The following RHCE variants were observed in gnomAD, a reference collection of about 807,000 sequenced individuals.
RHCE encodes the protein blood group Rh(CE) polypeptide.
In RHCE, 22 loss-of-function variants were observed where a neutral mutation model predicts 43.8. That is an observed-to-expected ratio of 0.50 (90% confidence interval 0.36 to 0.72). The LOEUF (loss-of-function observed/expected upper bound fraction) is 0.72. Among genes scored for constraint, RHCE ranks in the 30% least tolerant of loss-of-function variants. The pLI is 0.00. For synonymous variants in RHCE, 156 were observed against 210.7 expected (o/e 0.74, Z 2.25); for missense variants, 385 against 525.4 (o/e 0.73, Z 2.61).
In RHCE at chr1:25,371,643, A is replaced by G. The variant is rs570115532; in HGVS notation, c.1154-1103T>C. ...CCGCCTTTGCCTTCTAAAGGGCTGC[A>G]ATTACAGGTGTGAGCCACTGTGCCC... On this transcript the variant is annotated intron_variant, in intron 8 of 9. Coordinates refer to ENST00000294413, the MANE Select transcript of RHCE (RefSeq NM_020485.8). Among the ~76,000 whole-genome samples the G allele has an allele frequency of 1.3e-4, 20 of 151,638 alleles. No homozygotes were observed. The South Asian group carries it at 3.1e-3, about 24-fold the overall frequency.
At chr1:25,413,695 T>C (rs1647174706) in intron 1 of RHCE, among the ~76,000 whole-genome samples, 1 of 151,652 alleles carries the variant, frequency 6.6e-6, no homozygotes, top group Non-Finnish European at 1.5e-5. Context: ...CAGGCACTGT[T>C]CTACGTGCCT....
At chr1:25,386,147 T>G (rs1646152252) in intron 6 of RHCE, among the ~76,000 whole-genome samples, 1 of 152,192 alleles carries the variant, frequency 6.6e-6, no homozygotes, top group African/African-American at 2.4e-5. Context: ...GTAGGCACTA[T>G]TCACAATTTC....
chr1:25,405,874 C>T lies in RHCE; in HGVS notation c.335+2809G>A, dbSNP rs1177808525. Among the ~76,000 whole-genome samples the T allele has an allele frequency of 8.2e-5, 10 of 122,086 alleles. 2 individuals are homozygous for T. The highest frequency in any genetic ancestry group is 8.9e-5 in the Admixed American group (1 of 11,290). 80.1% of individuals were successfully genotyped at this position (122,086 alleles called of 152,430 possible). A position where few individuals can be genotyped will look rare whatever the true frequency, so the allele number is the denominator to read the frequency against. Reference sequence around the variant, plus strand: ...GTGTTGCCAAGGGAGAGTACCCCGTCCCCAGGGGCAGGCCTGGGCACCACC... The same window carrying T: ...GTGTTGCCAAGGGAGAGTACCCCGTTCCCAGGGGCAGGCCTGGGCACCACC... On this transcript the variant is annotated intron_variant, in intron 2 of 9. Transcript: ENST00000294413.
chr1:25,411,359 C>T (rs2124511992), intron 1 of RHCE: 1 of 1,550,590 alleles, frequency 6.4e-7, no homozygotes, highest in East Asian at 2.4e-5. Flanking sequence ...GTCTCCAGCC[C>T]TGGCTTTGAT....
chr1:25,418,401 G>T (rs573338746), intron 1 of RHCE, among the ~76,000 whole-genome samples: 1 of 149,588 alleles, frequency 6.7e-6, no homozygotes, highest in African/African-American at 2.5e-5. Flanking sequence ...TTGCTCTGTC[G>T]CCCAGGCTGG....
At chr1:25,393,423 C>G (rs866628996) in intron 3 of RHCE, among the ~76,000 whole-genome samples, 82 of 152,110 alleles carry the variant, frequency 5.4e-4, no homozygotes, top group African/African-American at 1.9e-3. Context: ...GAGTTCGATA[C>G]CAGCCTGGCC....
intron 1 of RHCE, chr1:25,411,371 A>C: frequency 6.4e-7 from 1 of 1,550,596 alleles, no homozygotes; most frequent in Non-Finnish European, 8.7e-7. Context: ...GGCTTTGATA[A>C]CAATGAGAAG....
chr1:25,377,941 G>A (rs1395563696), intron 7 of RHCE, among the ~76,000 whole-genome samples: 1 of 152,098 alleles, frequency 6.6e-6, no homozygotes, highest in African/African-American at 2.4e-5. Flanking sequence ...CACATAGTGG[G>A]ATTCATATCC....
At chr1:25,417,843 C>T (rs564115521) in intron 1 of RHCE, among the ~76,000 whole-genome samples, 10 of 152,284 alleles carry the variant, frequency 6.6e-5, no homozygotes, top group African/African-American at 2.4e-4. Flanking sequence ...ACAGCCTCCA[C>T]GCTGGTCTTG....
chr1:25,377,219 A>G (rs948251777), intron 7 of RHCE, among the ~76,000 whole-genome samples: 1 of 152,116 alleles, frequency 6.6e-6, no homozygotes, highest in Admixed American at 6.5e-5. Flanking sequence ...TTTAGAAAAA[A>G]ATTCAGGGGG....
chr1:25,384,163 G>C (rs564071724), intron 7 of RHCE, among the ~76,000 whole-genome samples: 16 of 151,034 alleles, frequency 1.1e-4, no homozygotes, highest in Non-Finnish European at 1.9e-4. Context: ...GAGAACCAAT[G>C]CTTCCAGAGA....
intron 1 of RHCE, among the ~76,000 whole-genome samples, chr1:25,416,521 C>T (rs539622656): frequency 4.6e-5 from 7 of 152,288 alleles, no homozygotes; most frequent in African/African-American, 1.7e-4. Context: ...CCTTGGCCTC[C>T]CAAAGTGCTG....
intron 7 of RHCE, among the ~76,000 whole-genome samples, chr1:25,379,803 T>A (rs1195676206): frequency 3.9e-5 from 6 of 152,040 alleles, no homozygotes; most frequent in Non-Finnish European, 8.8e-5. Flanking sequence ...GCCTCCTGAG[T>A]AGCTAGAATT....
At chr1:25,429,920 A>G (rs1401405915) in intron 1 of RHCE, 1 of 152,118 alleles carries the variant, frequency 6.6e-6, no homozygotes, top group Non-Finnish European at 1.5e-5. Context: ...GGAGTAAATG[A>G]GCAAATACAC....
rs1006162036 is a variant in RHCE, at chr1:25,372,500, CAA to C, written c.1154-1962_1154-1961del. Among the ~76,000 whole-genome samples, 92 of 150,336 alleles carry C rather than the reference CAA, an allele frequency of 6.1e-4. 1 individual carries two copies. Among genetic ancestry groups the C allele is most frequent in the African/African-American group, 2.2e-3 (89 of 40,492 alleles). On this transcript the variant is annotated intron_variant, in intron 8 of 9. Transcript: ENST00000294413. ...CGCCATTGCACTCCAGCCTGGGCAA[CAA>C]GAGCAAAACTCCGTCTAAAAAAAAA...
intron 1 of RHCE, among the ~76,000 whole-genome samples, chr1:25,413,123 C>T (rs187533976): frequency 2.4e-3 from 365 of 151,736 alleles, no homozygotes; most frequent in African/African-American, 8.5e-3. Context: ...CAGGTATATG[C>T]GCTCAGGGCC....
chr1:25,401,616 T>A (rs1433672739), intron 3 of RHCE, among the ~76,000 whole-genome samples: 1 of 152,212 alleles, frequency 6.6e-6, no homozygotes, highest in Non-Finnish European at 1.5e-5. Flanking sequence ...GCTCTCCCAA[T>A]GAGAGGACAT....
chr1:25,370,211 A>G (rs902459371), intron 9 of RHCE, among the ~76,000 whole-genome samples: 3 of 151,638 alleles, frequency 2.0e-5, no homozygotes, highest in African/African-American at 7.3e-5. Flanking sequence ...AAGTGTGGCC[A>G]GTGAAAGCTG....
intron 2 of RHCE, among the ~76,000 whole-genome samples, chr1:25,404,799 G>A (rs949530367): frequency 1.3e-5 from 2 of 151,706 alleles, no homozygotes; most frequent in Non-Finnish European, 2.9e-5. Flanking sequence ...CACGGTAAGG[G>A]CAAAGTGAGT....
Sources: allele counts gnomAD v4.1 joint callset (sites outside exome capture counted in the v4.1 genomes callset), GRCh38; gene constraint gnomAD v4.1.1; transcripts MANE v1.5; gene names NCBI Gene and HGNC (gene_info 2026-07-23, HGNC 2026-07-21).